The following SMARCC1 variants were observed in gnomAD, a reference collection of about 807,000 sequenced individuals.
SMARCC1 encodes SWI/SNF complex subunit SMARCC1.
A neutral mutation model predicts 147.4 loss-of-function variants in SMARCC1; 43 were observed. The ratio of observed to expected loss-of-function variants is 0.29; its 90% CI spans 0.23 to 0.38. SMARCC1 has a LOEUF of 0.38. SMARCC1 is among the 10% of genes least tolerant of loss of function. The pLI, the probability that SMARCC1 is intolerant of heterozygous loss-of-function variation, is 1.00. For missense variants in SMARCC1, 1,119 were observed against 1,381.1 expected, an observed-to-expected ratio of 0.81 and a Z score of 3.01; for synonymous variants, 495 against 484.4, an observed-to-expected ratio of 1.02 and a Z score of -0.29.
In SMARCC1 at chr3:47,590,718, G is replaced by A. The variant is rs2032163264; in HGVS notation, c.3163C>T (p.Pro1055Ser). 1.9e-6 allele frequency: 3 copies of A among 1,579,820 alleles called. No individual in the cohort carries two copies. Among genetic ancestry groups the A allele is most frequent in the Non-Finnish European group, 2.6e-6 (3 of 1,167,720 alleles). ...GGTCCTAAGATGTTTCCTGGCATTG[G>A]TGGCATGCCAGGAGGGGTAGGGCCA... The part of the protein sequence containing the change: ...GSGPTPPGMP[P>S]MPGNILGPRV... Residue 1055 changes from proline (P) to serine (S), a missense_variant, in exon 27 of 28, where the codon CCA becomes TCA. Around this residue, in one of 6 missense-constraint regions of SMARCC1, gnomAD observed 186 missense variants for 216.5 expected, o/e 0.86. Transcript: ENST00000254480.
At chr3:47,708,076 T>TTTTTTTCTTTTTTC (rs1235242472) in intron 9 of SMARCC1, among the ~76,000 whole-genome samples, 8 of 82,788 alleles carry the variant, frequency 9.7e-5, no homozygotes, top group African/African-American at 3.0e-4. Flanking sequence ...GAAGTTGAAT[T>TTTTTTTCTTTTTTC]TTTTTTCTTT....
Position 47,686,080 on chromosome 3 carries a change from G to A in SMARCC1, c.1354C>T (p.Pro452Ser). Residue 452 changes from proline (P) to serine (S), a missense_variant, in exon 14 of 28, where the codon CCT becomes TCT. Physicochemically the swap from Pro to Ser is moderately conservative, Grantham distance 74. Coordinates refer to ENST00000254480, the MANE Select transcript of SMARCC1 (RefSeq NM_003074.4). ...TAATCAAACCATGATGCATAACTAG[G>A]AATAATAATGTGATTGGTCTGCTCT... ...VTEQTNHIIIPSYASWFDYNC... is the reference protein window; with the variant it reads ...VTEQTNHIIISSYASWFDYNC... The A allele has an allele frequency of 1.2e-6, 2 of 1,610,200 alleles. No individual in the cohort carries two copies. The highest frequency in any genetic ancestry group is 1.7e-6 in the Non-Finnish European group (2 of 1,177,392).
At position 47,715,460 on chromosome 3, in the gene SMARCC1, A is replaced by G. The variant is rs559479371; in HGVS notation, c.717-970T>C. The stretch of plus-strand genomic sequence containing the variant: ...TCAAGCACATCCTGTAATCAAACCA[A>G]CTGCAAATGTGACCAGCTCTAACTT... On this transcript the variant is annotated intron_variant, in intron 7 of 27. Transcript: ENST00000254480. Among the ~76,000 whole-genome samples, 283 of 152,256 alleles carry G rather than the reference A, an allele frequency of 1.9e-3. 1 individual carries two copies. The highest frequency in any genetic ancestry group is 3.3e-3 in the Non-Finnish European group (222 of 68,022).
At chr3:47,712,931 C>T (rs1413482587) in intron 8 of SMARCC1, among the ~76,000 whole-genome samples, 1 of 152,108 alleles carries the variant, frequency 6.6e-6, no homozygotes, top group Non-Finnish European at 1.5e-5. Context: ...TTCAGTAGTA[C>T]TTCACAACAT....
intron 25 of SMARCC1, among the ~76,000 whole-genome samples, chr3:47,610,963 T>C (rs1221743146): frequency 6.6e-6 from 1 of 152,222 alleles, no homozygotes; most frequent in East Asian, 1.9e-4. Flanking sequence ...ACGGAATATT[T>C]TAGTTGCCTA....
chr3:47,763,873 C>T (rs1381756099), intron 2 of SMARCC1, among the ~76,000 whole-genome samples: 2 of 151,396 alleles, frequency 1.3e-5, no homozygotes, highest in Non-Finnish European at 1.5e-5. Context: ...GCATGCACCA[C>T]CACACCAAGC....
At chr3:47,711,940 T>C (rs542731492) in intron 8 of SMARCC1, among the ~76,000 whole-genome samples, 19 of 152,084 alleles carry the variant, frequency 1.2e-4, no homozygotes, top group Non-Finnish European at 2.6e-4. Flanking sequence ...GCAGAATAAA[T>C]AGAGTGTATA....
chr3:47,641,286 A>C (rs1425808579), intron 21 of SMARCC1, among the ~76,000 whole-genome samples: 1 of 152,178 alleles, frequency 6.6e-6, no homozygotes, highest in Non-Finnish European at 1.5e-5. Flanking sequence ...AAGGAGTTTG[A>C]GACCAGCCTG....
intron 2 of SMARCC1, among the ~76,000 whole-genome samples, chr3:47,765,128 G>A (rs1362364583): frequency 1.3e-5 from 2 of 152,174 alleles, no homozygotes; most frequent in African/African-American, 4.8e-5. Context: ...GCGCATGCCT[G>A]TAATCCCAGC....
chr3:47,622,927 G>A (rs913922617), intron 24 of SMARCC1, among the ~76,000 whole-genome samples: 1 of 152,090 alleles, frequency 6.6e-6, no homozygotes, highest in Admixed American at 6.5e-5. Context: ...CAAGACTGAT[G>A]GTGAATGCTT....
At chr3:47,749,695 T>G (rs1176418967) in intron 2 of SMARCC1, among the ~76,000 whole-genome samples, 3 of 38,194 alleles carry the variant, frequency 7.9e-5, no homozygotes, top group Admixed American at 3.4e-4. Context: ...ACACACAAAG[T>G]GAGACCCTCT....
chr3:47,778,339 C>T (rs908467533), intron 1 of SMARCC1, among the ~76,000 whole-genome samples: 3 of 151,036 alleles, frequency 2.0e-5, no homozygotes, highest in Non-Finnish European at 4.4e-5. Flanking sequence ...GACAAGGTCT[C>T]GCTCTGTTGC....
chr3:47,647,104 T>C (rs2033128910), intron 21 of SMARCC1, among the ~76,000 whole-genome samples: 1 of 152,236 alleles, frequency 6.6e-6, no homozygotes, highest in Admixed American at 6.5e-5. Context: ...GGCTGCATGA[T>C]GCACAATGAA....
At position 47,597,048 on chromosome 3, in the gene SMARCC1, G is replaced by A. The variant is rs181637962; in HGVS notation, c.3044-6211C>T. On this transcript the variant is annotated intron_variant, in intron 26 of 27. Coordinates refer to ENST00000254480, the MANE Select transcript of SMARCC1 (RefSeq NM_003074.4). ...AAAAATTAGCCAGGCGTGGTGGCAC[G>A]CACCTGTAATCCCAGCTACTAAGGA... 7.3e-3 allele frequency among the ~76,000 whole-genome samples: 1,101 copies of A among 151,314 alleles called. 18 individuals carry two copies. Among genetic ancestry groups the A allele is most frequent in the African/African-American group, 0.025 (1,034 of 41,226 alleles).
At chr3:47,726,177 T>C (rs139321172) in intron 6 of SMARCC1, among the ~76,000 whole-genome samples, 1,542 of 151,658 alleles carry the variant, frequency 0.01, 23 homozygotes, top group African/African-American at 0.035. Context: ...GAGGACTGCT[T>C]GATACCAGGA....
At chr3:47,612,677 T>C (rs865982414) in intron 25 of SMARCC1, among the ~76,000 whole-genome samples, 6 of 152,236 alleles carry the variant, frequency 3.9e-5, no homozygotes, top group Admixed American at 1.3e-4. Context: ...AGCTAGCCTG[T>C]ATTATCCTCT....
At position 47,729,011 on chromosome 3, in the gene SMARCC1, C is replaced by CTCA; in HGVS notation, c.646+13_646+14insTGA. ...TGTATGAGCTCATCTGTTCACAACG[C>CTCA]AAAACTAACTTACCATCGTCTTGTG... On this transcript the variant is annotated intron_variant, in intron 6 of 27. Coordinates refer to ENST00000254480, the MANE Select transcript of SMARCC1 (RefSeq NM_003074.4). The CTCA allele has an allele frequency of 6.3e-7, 1 of 1,595,210 alleles. No individual in the cohort carries two copies. Among genetic ancestry groups the CTCA allele is most frequent in the Non-Finnish European group, 8.6e-7 (1 of 1,164,672 alleles).
At chr3:47,697,824 G>A (rs1440413363) in intron 11 of SMARCC1, among the ~76,000 whole-genome samples, 1 of 150,866 alleles carries the variant, frequency 6.6e-6, no homozygotes, top group Non-Finnish European at 1.5e-5. Context: ...TGGCTAACAT[G>A]GTGAAACCCC....
At chr3:47,700,125 TA>T (rs1559648622) in intron 11 of SMARCC1, among the ~76,000 whole-genome samples, 1 of 152,026 alleles carries the variant, frequency 6.6e-6, no homozygotes, top group Non-Finnish European at 1.5e-5. Context: ...CATCTCCTAA[TA>T]ACCAGAAAAG....
Sources: gnomAD v4.1 joint callset for allele counts (sites outside exome capture counted in the v4.1 genomes callset) on GRCh38, gnomAD v4.1.1 for gene constraint, gnomAD v4.1.1 regional missense constraint, MANE v1.5 for transcripts, NCBI Gene and HGNC (gene_info 2026-07-23, HGNC 2026-07-21) for gene names.